ELMOD2: variants seen among roughly 807,000 people sequenced by gnomAD.
ELMOD2 encodes the protein ELMO domain-containing protein 2.
ELMOD2 carries 28 observed loss-of-function variants against 41.0 expected under a neutral mutation model. That is an observed-to-expected ratio of 0.68 (90% CI 0.51 to 0.94). The LOEUF (loss-of-function observed/expected upper bound fraction) is 0.94, where lower values mean the gene tolerates loss of function less well. Ranked by LOEUF, ELMOD2 falls within the 40% of genes least tolerant of loss-of-function variation. The probability of loss-of-function intolerance (pLI) is 0.00; values close to 1 mark genes in which losing one functional copy is unlikely to be tolerated. For missense variants in ELMOD2, 333 were observed against 343.1 expected (o/e 0.97, Z 0.23); for synonymous variants, 106 against 107.2 (o/e 0.99, Z 0.07).
At chr4:140,547,674 A>G (rs1735335529) in intron 8 of ELMOD2, among the ~76,000 whole-genome samples, 3 of 152,232 alleles carry the variant, frequency 2.0e-5, no homozygotes, top group Admixed American at 2.0e-4. Context: ...TTGGGTAGCC[A>G]TCATCATAAT....
At chr4:140,543,327 A>C in intron 7 of ELMOD2, 126 bp from the exon 8 acceptor site, 1 of 1,027,284 alleles carries the variant, frequency 9.7e-7, no homozygotes, top group Non-Finnish European at 1.4e-6. Flanking sequence ...CTTACCATGT[A>C]GAGATTATCA....
rs575030487 is a variant in ELMOD2 at position 140,525,192 on chromosome 4, T to G, written c.-9-228T>G. 3.7e-4 allele frequency: 147 copies of G among 399,056 alleles called. 3 individuals carry two copies. In the East Asian group the frequency reaches 6.9e-3, roughly 19 times the overall value. 24.7% of individuals were successfully genotyped at this position (399,056 alleles called of 1,614,324 possible). A position where few individuals can be genotyped will look rare whatever the true frequency, so the allele number is the denominator to read the frequency against. Reference sequence around the variant, plus strand: ...AAGCCATTGAATAGTTTGAGTACATTGTTTGAATTTTAGTTTTGAAAAAGT... The same window carrying G: ...AAGCCATTGAATAGTTTGAGTACATGGTTTGAATTTTAGTTTTGAAAAAGT... On this transcript the variant is annotated intron_variant, in intron 1 of 8. Coordinates refer to ENST00000323570, the MANE Select transcript of ELMOD2 (RefSeq NM_153702.4).
intron 1 of ELMOD2, chr4:140,524,598 C>G (rs1270380803): frequency 1.0e-6 from 1 of 985,362 alleles, no homozygotes; most frequent in Admixed American, 6.1e-5. Context: ...GCTATGCGCT[C>G]TTTCTGCACT....
intron 8 of ELMOD2, among the ~76,000 whole-genome samples, chr4:140,545,094 C>T (rs974741721): frequency 3.3e-5 from 5 of 152,098 alleles, no homozygotes; most frequent in Non-Finnish European, 2.9e-5. Flanking sequence ...TTTAGTTTCT[C>T]TCTCCATGAC....
rs1735467457 is a variant in ELMOD2, at chr4:140,551,377, G to A, written c.*1002G>A. On this transcript the variant is annotated 3_prime_UTR_variant, in exon 9 of 9. Transcript: ENST00000323570. ...ACTCTTGCTTCTCTTTGACTCCATG[G>A]TGTTTTTAGATAACCATGTATGAAC... 1 of 151,916 alleles carries A rather than the reference G, an allele frequency of 6.6e-6. No individual in the cohort carries two copies. 9.4% of individuals were successfully genotyped at this position (151,916 alleles called of 1,614,324 possible).
rs536351185 is a variant in ELMOD2 at position 140,549,401 on chromosome 4, A to G, written c.737-829A>G. Among the ~76,000 whole-genome samples, 94 of 151,896 alleles carry G rather than the reference A, an allele frequency of 6.2e-4. 3 individuals carry two copies. The South Asian group carries it at 0.019, about 30-fold the overall frequency. Reference sequence around the variant, plus strand: ...TGTATAAACAAGTTCGGTTTCATGAAATACATTTAACATTTTGGGGGTTAA... The same window carrying G: ...TGTATAAACAAGTTCGGTTTCATGAGATACATTTAACATTTTGGGGGTTAA... On this transcript the variant is annotated intron_variant, in intron 8 of 8. Transcript: ENST00000323570.
At chr4:140,544,944 G>A (rs1039081179) in intron 8 of ELMOD2, among the ~76,000 whole-genome samples, 1 of 152,144 alleles carries the variant, frequency 6.6e-6, no homozygotes, top group Non-Finnish European at 1.5e-5. Flanking sequence ...GTGAGGAGCT[G>A]TCATCTTCAG....
chr4:140,531,345 G>A (rs182784349), intron 3 of ELMOD2, among the ~76,000 whole-genome samples: 10 of 152,214 alleles, frequency 6.6e-5, no homozygotes, highest in African/African-American at 2.4e-4. Flanking sequence ...TAGATATTAA[G>A]GGTTAACAAA....
At chr4:140,550,096 A>G in intron 8 of ELMOD2, 134 bp from the exon 9 acceptor site, 2 of 725,342 alleles carry the variant, frequency 2.8e-6, no homozygotes. Flanking sequence ...GGCTTCTAAT[A>G]GTTTTGAGAT....
intron 3 of ELMOD2, among the ~76,000 whole-genome samples, chr4:140,534,275 G>A (rs75872831): frequency 0.024 from 3,583 of 152,168 alleles, 176 homozygotes; most frequent in East Asian, 0.22. Context: ...ATGAATCCTA[G>A]AAACGTTATG....
At chr4:140,540,345 A>G (rs1735067254) in intron 6 of ELMOD2, 44 bp downstream of exon 6, 9 of 1,605,014 alleles carry the variant, frequency 5.6e-6, no homozygotes, top group East Asian at 2.2e-5. Flanking sequence ...ATGAAATTAC[A>G]TTTAATCTCT....
chr4:140,525,250 C>T (rs999679577), intron 1 of ELMOD2, 170 bp from the exon 2 acceptor site: 5 of 574,134 alleles, frequency 8.7e-6, no homozygotes, highest in Non-Finnish European at 1.4e-5. Flanking sequence ...CAATTAATAG[C>T]GGTATATATT....
At position 140,551,191 on chromosome 4, in the gene ELMOD2, C is replaced by T. The variant is rs955532426; in HGVS notation, c.*816C>T. 3 of 151,842 alleles carry T rather than the reference C, an allele frequency of 2.0e-5. No individual in the cohort carries two copies. Among genetic ancestry groups the T allele is most frequent in the South Asian group, 2.1e-4 (1 of 4,816 alleles). The allele number at this position is 151,842 out of a possible 1,614,324, so 9.4% of individuals were successfully genotyped here. A position where few individuals can be genotyped will look rare whatever the true frequency, so the allele number is the denominator to read the frequency against. ...AAACTTCTCTACCTATGTATGTTTA[C>T]GAAAAGAGATGTATTTGCCAAGAAA... On this transcript the variant is annotated 3_prime_UTR_variant, in exon 9 of 9. Transcript: ENST00000323570.
intron 8 of ELMOD2, among the ~76,000 whole-genome samples, chr4:140,543,922 A>T (rs1735185900): frequency 6.6e-6 from 1 of 152,108 alleles, no homozygotes; most frequent in East Asian, 1.9e-4. Flanking sequence ...GCTGTTAAGG[A>T]CAGACCATTT....
In ELMOD2 at chr4:140,550,393, C is replaced by A; in HGVS notation, c.*18C>A. The A allele has an allele frequency of 6.4e-7, 1 of 1,574,188 alleles. No individual in the cohort carries two copies. The highest frequency in any genetic ancestry group is 8.6e-7 in the Non-Finnish European group (1 of 1,163,740). ...AAGTATAAATCATCCACTGTATCTT[C>A]TATTTCTACCACATTTTGCACATTC... On this transcript the variant is annotated 3_prime_UTR_variant, in exon 9 of 9. Coordinates refer to ENST00000323570, the MANE Select transcript of ELMOD2 (RefSeq NM_153702.4).
Position 140,540,181 on chromosome 4 carries a change from T to C in ELMOD2, c.413T>C (p.Leu138Pro), listed in dbSNP as rs2110860423. The C allele has an allele frequency of 6.2e-7, 1 of 1,614,128 alleles. No individual in the cohort carries two copies. Among genetic ancestry groups the C allele is most frequent in the African/African-American group, 1.3e-5 (1 of 75,044 alleles). The change falls in exon 6 of 9, where the codon CTA becomes CCA. Residue 138 changes from leucine to proline, a missense_variant. Transcript: ENST00000323570. ...EELLMKLWNL[L>P]MPTKKLNARI... ...ATATTTGTACAGCTTTGGAATCTTC[T>C]AATGCCCACGAAGAAGTTAAACGCT... is the stretch of plus-strand genomic sequence containing the variant.
At chr4:140,547,569 TTA>T (rs1219476538) in intron 8 of ELMOD2, among the ~76,000 whole-genome samples, 4 of 152,158 alleles carry the variant, frequency 2.6e-5, no homozygotes, top group Non-Finnish European at 4.4e-5. Flanking sequence ...TATAATAAAG[TTA>T]TGTCTCAATA....
chr4:140,540,132 A>C, intron 5 of ELMOD2, 36 bp from the exon 6 acceptor site: 1 of 1,601,122 alleles, frequency 6.2e-7, no homozygotes, highest in Non-Finnish European at 8.5e-7. Context: ...GCTATGAGAA[A>C]GAAAATGTCT....
At chr4:140,548,219 A>C (rs1335438685) in intron 8 of ELMOD2, among the ~76,000 whole-genome samples, 1 of 152,162 alleles carries the variant, frequency 6.6e-6, no homozygotes, top group African/African-American at 2.4e-5. Context: ...CTAAAACATA[A>C]TAACCAGATA....
Sources: allele counts gnomAD v4.1 joint callset (sites outside exome capture counted in the v4.1 genomes callset), GRCh38; gene constraint gnomAD v4.1.1; transcripts MANE v1.5; gene names NCBI Gene and HGNC (gene_info 2026-07-23, HGNC 2026-07-21).